Variants in CADPS observed in about 807,000 individuals in gnomAD.
The protein encoded by CADPS is calcium-dependent secretion activator 1.
A neutral mutation model predicts 167.3 loss-of-function variants in CADPS; 57 were observed. That is an observed-to-expected ratio of 0.34 (90% CI 0.28 to 0.42). The LOEUF is 0.42. CADPS is among the 20% of genes least tolerant of loss of function. The pLI, the probability that CADPS is intolerant of heterozygous loss-of-function variation, is 1.00. For synonymous variants in CADPS, 676 were observed against 635.3 expected (o/e 1.06, Z -0.96); for missense variants, 1,414 against 1,738.1 (o/e 0.81, Z 3.32).
chr3:62,551,466 G>A (rs559871235), intron 10 of CADPS, among the ~76,000 whole-genome samples: 1 of 152,242 alleles, frequency 6.6e-6, no homozygotes, highest in Admixed American at 6.5e-5. Flanking sequence ...TGACCTGTCT[G>A]CCTCCATCCT....
At chr3:62,619,597 G>A (rs2062852326) in intron 6 of CADPS, among the ~76,000 whole-genome samples, 1 of 152,080 alleles carries the variant, frequency 6.6e-6, no homozygotes, top group Non-Finnish European at 1.5e-5. Flanking sequence ...TAGAGGAGAG[G>A]AGGCTTTCTC....
At chr3:62,417,628 T>C (rs2050405854) in intron 28 of CADPS, among the ~76,000 whole-genome samples, 2 of 152,082 alleles carry the variant, frequency 1.3e-5, no homozygotes, top group Admixed American at 1.3e-4. Flanking sequence ...TTAAATTCTC[T>C]CAGGATGTTT....
chr3:62,751,445 C>T (rs569892151), intron 3 of CADPS, among the ~76,000 whole-genome samples: 1 of 125,034 alleles, frequency 8.0e-6, no homozygotes, highest in East Asian at 4.4e-4. Flanking sequence ...AGTACTTTAT[C>T]TTGTAATTTT....
At chr3:62,632,742 G>C (rs2065525651) in intron 6 of CADPS, among the ~76,000 whole-genome samples, 1 of 152,060 alleles carries the variant, frequency 6.6e-6, no homozygotes, top group South Asian at 2.1e-4. Flanking sequence ...AACCAAGCAG[G>C]AAATGAAATC....
chr3:62,474,168 T>TTTTTTTTTTTTTTTTTTTTTTTTTTTG lies in CADPS; in HGVS notation c.3477+4_3477+5insCAAAAAAAAAAAAAAAAAAAAAAAAAA. 1 of 1,469,426 alleles carries TTTTTTTTTTTTTTTTTTTTTTTTTTTG rather than the reference T, an allele frequency of 6.8e-7. No homozygotes were observed. The allele number at this position is 1,469,426 out of a possible 1,614,324, so 91.0% of individuals were successfully genotyped here. A position where few individuals can be genotyped will look rare whatever the true frequency, so the allele number is the denominator to read the frequency against. On this transcript the variant is annotated splice_donor_region_variant and intron_variant, in intron 24 of 29. Transcript: ENST00000383710. The stretch of plus-strand genomic sequence containing the variant: ...AAAAATCTGTATTTTTTTTTTTTTT[T>TTTTTTTTTTTTTTTTTTTTTTTTTTTG]TTACCTCTTGGCCCATTTCCATGCT...
At chr3:62,853,514 A>G (rs1035637645) in intron 1 of CADPS, among the ~76,000 whole-genome samples, 3 of 151,442 alleles carry the variant, frequency 2.0e-5, no homozygotes, top group African/African-American at 7.3e-5. Flanking sequence ...AATCCCAGCT[A>G]CTCGGGAGGC....
At chr3:62,593,137 C>T (rs2086436725) in intron 6 of CADPS, among the ~76,000 whole-genome samples, 1 of 152,194 alleles carries the variant, frequency 6.6e-6, no homozygotes, top group Non-Finnish European at 1.5e-5. Context: ...TGGGATGGGG[C>T]TTCATTTGGT....
intron 1 of CADPS, among the ~76,000 whole-genome samples, chr3:62,774,817 G>C (rs1490372884): frequency 2.0e-5 from 3 of 152,078 alleles, no homozygotes; most frequent in Non-Finnish European, 4.4e-5. Context: ...ATAGGTTGTT[G>C]GAAAACTGAG....
intron 1 of CADPS, among the ~76,000 whole-genome samples, chr3:62,813,071 T>C (rs2094458447): frequency 6.6e-6 from 1 of 152,032 alleles, no homozygotes; most frequent in Non-Finnish European, 1.5e-5. Context: ...GCTATTTCTA[T>C]CAAATTACCA....
chr3:62,627,474 T>C (rs1343998695), intron 6 of CADPS, among the ~76,000 whole-genome samples: 1 of 152,120 alleles, frequency 6.6e-6, no homozygotes, highest in East Asian at 1.9e-4. Context: ...TTATGGCCTG[T>C]TTACTAAAAC....
intron 6 of CADPS, among the ~76,000 whole-genome samples, chr3:62,597,352 G>T (rs1489897654): frequency 1.3e-5 from 2 of 151,928 alleles, no homozygotes; most frequent in African/African-American, 2.4e-5. Context: ...GTCTCTAAAA[G>T]AAAATAAATA....
At chr3:62,591,021 A>AT (rs1379662331) in intron 7 of CADPS, among the ~76,000 whole-genome samples, 3 of 151,824 alleles carry the variant, frequency 2.0e-5, no homozygotes, top group African/African-American at 7.2e-5. Context: ...CGCCCGGCTA[A>AT]TTTTTTTGGT....
chr3:62,617,573 G>T (rs1233141458), intron 6 of CADPS, among the ~76,000 whole-genome samples: 1 of 152,068 alleles, frequency 6.6e-6, no homozygotes, highest in Non-Finnish European at 1.5e-5. Flanking sequence ...ACCCCAAAAT[G>T]AACAAGACAT....
Position 62,685,598 on chromosome 3 carries a change from G to C in CADPS, c.889-23204C>G, listed in dbSNP as rs187393833. ...GATACAAAATTACAGCTAGATAGGA[G>C]AAATAACTTCTAGTGTTTTATAGCA... On this transcript the variant is annotated intron_variant, in intron 3 of 29. Coordinates refer to ENST00000383710, the MANE Select transcript of CADPS (RefSeq NM_003716.4). Among the ~76,000 whole-genome samples, 8 of 147,614 alleles carry C rather than the reference G, an allele frequency of 5.4e-5. No homozygotes were observed. The East Asian group carries it at 1.0e-3, about 19-fold the overall frequency.
intron 3 of CADPS, among the ~76,000 whole-genome samples, chr3:62,728,673 G>A (rs1378080027): frequency 6.6e-6 from 1 of 151,858 alleles, no homozygotes; most frequent in Non-Finnish European, 1.5e-5. Context: ...TCATTCTGGA[G>A]GCTTCTTGGC....
chr3:62,743,111 A>C (rs1346627477), intron 3 of CADPS, among the ~76,000 whole-genome samples: 1 of 152,236 alleles, frequency 6.6e-6, no homozygotes, highest in Non-Finnish European at 1.5e-5. Flanking sequence ...ATTATTAAAA[A>C]GTCAAAAAAT....
At chr3:62,497,894 G>T (rs13076657) in intron 18 of CADPS, among the ~76,000 whole-genome samples, 10 of 152,214 alleles carry the variant, frequency 6.6e-5, no homozygotes, top group Non-Finnish European at 1.5e-4. Context: ...GAGGCGTTGT[G>T]TTGGGATGTA....
chr3:62,410,065 T>C (rs1181543760), intron 28 of CADPS, among the ~76,000 whole-genome samples: 1 of 152,052 alleles, frequency 6.6e-6, no homozygotes, highest in Non-Finnish European at 1.5e-5. Flanking sequence ...CACACACACA[T>C]ACTCCCAACA....
At chr3:62,614,000 C>G (rs909340052) in intron 6 of CADPS, among the ~76,000 whole-genome samples, 1 of 152,114 alleles carries the variant, frequency 6.6e-6, no homozygotes, top group African/African-American at 2.4e-5. Flanking sequence ...GTGCTCCCAC[C>G]TCCAACTCCC....
Sources: gnomAD v4.1 joint callset for allele counts (sites outside exome capture counted in the v4.1 genomes callset) on GRCh38, gnomAD v4.1.1 for gene constraint, MANE v1.5 for transcripts, NCBI Gene and HGNC (gene_info 2026-07-23, HGNC 2026-07-21) for gene names.